NEDD9: variants seen among roughly 807,000 people sequenced by gnomAD.
NEDD9 encodes enhancer of filamentation 1.
Under a neutral mutation model 76.6 loss-of-function variants are expected in NEDD9, and 26 were observed. The ratio of observed to expected loss-of-function variants is 0.34; its 90% CI spans 0.25 to 0.47. The LOEUF (loss-of-function observed/expected upper bound fraction) is 0.47, where lower values mean the gene tolerates loss of function less well. Ranked by LOEUF, NEDD9 falls within the 20% of genes least tolerant of loss-of-function variation. NEDD9 has a pLI of 1.00. For synonymous variants in NEDD9, 392 were observed against 414.2 expected (o/e 0.95, Z 0.65); for missense variants, 937 against 1,058.5 (o/e 0.89, Z 1.59).
chr6:11,268,180 C>A (rs934082057), intron 3 of NEDD9, among the ~76,000 whole-genome samples: 1 of 147,616 alleles, frequency 6.8e-6, no homozygotes, highest in African/African-American at 2.5e-5. Flanking sequence ...CAGGCATGCG[C>A]CACCGAGACT....
intron 2 of NEDD9, chr6:11,200,734 G>C (rs1040550152): frequency 2.2e-6 from 3 of 1,360,288 alleles, no homozygotes; most frequent in African/African-American, 2.9e-5. Flanking sequence ...AATGGTAAGA[G>C]ACAGTGGTCC....
chr6:11,268,752 C>G (rs552322356), intron 3 of NEDD9, among the ~76,000 whole-genome samples: 68 of 151,840 alleles, frequency 4.5e-4, no homozygotes, highest in Admixed American at 3.7e-3. Context: ...CACAGACACA[C>G]ACACACACAC....
At position 11,190,257 on chromosome 6, in the gene NEDD9, C is replaced by T; in HGVS notation, c.1612G>A (p.Val538Met). Residue 538 changes from valine to methionine, a missense_variant, in exon 5 of 7, where the codon GTG becomes ATG. Val to Met is a conservative substitution (Grantham distance 21). Coordinates refer to ENST00000379446, the MANE Select transcript of NEDD9 (RefSeq NM_006403.4). The surrounding 1 kb of genome is among the most constrained non-coding windows in gnomAD (Gnocchi z 5.8). ...LDRFVMVAKTVPDDAKQLTTT... is the reference protein window; with the variant it reads ...LDRFVMVAKTMPDDAKQLTTT... ...GTGAGCTGCTTGGCGTCATCGGGCA[C>T]CGTCTTTGCCACCATCACAAACCGG... The T allele has an allele frequency of 6.2e-7, 1 of 1,614,222 alleles. No individual in the cohort carries two copies. The highest frequency in any genetic ancestry group is 8.5e-7 in the Non-Finnish European group (1 of 1,180,048).
At chr6:11,318,428 G>T (rs1487361320) in intron 2 of NEDD9, among the ~76,000 whole-genome samples, 2 of 152,168 alleles carry the variant, frequency 1.3e-5, no homozygotes, top group African/African-American at 4.8e-5. Flanking sequence ...TTGCAAGTGT[G>T]GGGAGACGGC....
intron 2 of NEDD9, chr6:11,306,182 G>A (rs912385041): frequency 5.4e-6 from 4 of 739,046 alleles, no homozygotes; most frequent in Non-Finnish European, 9.1e-6. Context: ...GAGATGGAAA[G>A]GTTGGTAAGA....
intron 3 of NEDD9, among the ~76,000 whole-genome samples, chr6:11,266,249 C>A (rs1003537862): frequency 6.6e-6 from 1 of 152,058 alleles, no homozygotes; most frequent in Non-Finnish European, 1.5e-5. Flanking sequence ...TGCACCCCTC[C>A]CCCCTCACTT....
intron 2 of NEDD9, chr6:11,207,513 T>C (rs914757697): frequency 3.9e-5 from 6 of 152,344 alleles, no homozygotes; most frequent in African/African-American, 9.6e-5. Context: ...CTGCCAACAT[T>C]TGGCCGTGAC....
At chr6:11,349,406 A>G (rs1762422984) in intron 1 of NEDD9, among the ~76,000 whole-genome samples, 1 of 152,248 alleles carries the variant, frequency 6.6e-6, no homozygotes, top group African/African-American at 2.4e-5. Flanking sequence ...TGACCCAGCA[A>G]TTCCATTACT....
intron 1 of NEDD9, among the ~76,000 whole-genome samples, chr6:11,225,220 A>G (rs1759275326): frequency 6.6e-6 from 1 of 152,226 alleles, no homozygotes; most frequent in East Asian, 1.9e-4. Flanking sequence ...TTGTTGCTAA[A>G]TCTTTGTTTC....
rs78535734 is a variant in NEDD9, at chr6:11,347,266, T to C, written c.-213-12705A>G. 4.3e-4 allele frequency among the ~76,000 whole-genome samples: 65 copies of C among 152,272 alleles called. 1 individual carries two copies. In the East Asian group the frequency reaches 0.012, roughly 28 times the overall value. ...CTCTGAGACTCAATTTCTTTATTTA[T>C]AAATCTGGGATAAAAATCCCCAGCC... On this transcript the variant is annotated intron_variant, in intron 1 of 3. Transcript: ENST00000397378.
intron 1 of NEDD9, among the ~76,000 whole-genome samples, chr6:11,356,113 T>A (rs1762571106): frequency 6.6e-6 from 1 of 152,190 alleles, no homozygotes. Flanking sequence ...CAGTTGGAGT[T>A]TCTCTTGTAT....
intron 3 of NEDD9, among the ~76,000 whole-genome samples, chr6:11,279,789 G>A (rs372012115): frequency 1.2e-4 from 19 of 152,082 alleles, no homozygotes; most frequent in South Asian, 4.2e-4. Flanking sequence ...ATCTCCTCCC[G>A]CTCCCCGCAC....
intron 2 of NEDD9, among the ~76,000 whole-genome samples, chr6:11,332,466 A>T (rs1040428470): frequency 2.6e-5 from 4 of 152,144 alleles, no homozygotes; most frequent in African/African-American, 9.7e-5. Flanking sequence ...CTCGCCTCAC[A>T]TTGCGCTACG....
chr6:11,337,773 G>A (rs1329788426), intron 1 of NEDD9, among the ~76,000 whole-genome samples: 1 of 152,148 alleles, frequency 6.6e-6, no homozygotes, highest in African/African-American at 2.4e-5. Context: ...GGAAGAGCAG[G>A]GGATCTGAGT....
chr6:11,337,735 C>T lies in NEDD9; in HGVS notation c.-213-3174G>A, dbSNP rs145916826. ...TGTTTAATAAACATTGCTGTGTGCA[C>T]ATGCCTTTAGCTGGCATGGATGGGG... On this transcript the variant is annotated intron_variant, in intron 1 of 3. Coordinates refer to the NEDD9 transcript ENST00000397378. 9.2e-5 allele frequency among the ~76,000 whole-genome samples: 14 copies of T among 152,282 alleles called. No individual in the cohort carries two copies. The East Asian group carries it at 9.6e-4, about 10-fold the overall frequency.
intron 1 of NEDD9, among the ~76,000 whole-genome samples, chr6:11,344,036 C>T (rs926959532): frequency 1.3e-5 from 2 of 152,176 alleles, no homozygotes; most frequent in East Asian, 3.8e-4. Context: ...GAAGTTATTT[C>T]TCAAGAGACA....
chr6:11,274,047 A>G (rs1372999336), intron 3 of NEDD9, among the ~76,000 whole-genome samples: 4 of 152,268 alleles, frequency 2.6e-5, no homozygotes, highest in East Asian at 3.9e-4. Context: ...GCAAAATCCA[A>G]AAGTTGTTTT....
At chr6:11,276,549 T>A (rs1257848659) in intron 3 of NEDD9, among the ~76,000 whole-genome samples, 1 of 152,356 alleles carries the variant, frequency 6.6e-6, no homozygotes, top group East Asian at 1.9e-4. Flanking sequence ...GGTGCTGCTG[T>A]TGCTGCTACT....
chr6:11,230,649 CATCAT>C (rs55918927), intron 1 of NEDD9, among the ~76,000 whole-genome samples: 26,239 of 152,020 alleles, frequency 0.17, 2,310 homozygotes, highest in East Asian at 0.23. Context: ...ATTTAATAGT[CATCAT>C]AGGGCATAAG....
Sources: allele counts gnomAD v4.1 joint callset (sites outside exome capture counted in the v4.1 genomes callset), GRCh38; gene constraint gnomAD v4.1.1; non-coding constraint Gnocchi (gnomAD v3.1); transcripts MANE v1.5; gene names NCBI Gene and HGNC (gene_info 2026-07-23, HGNC 2026-07-21).